Variants in PRKCE observed in about 807,000 individuals in gnomAD.
The protein encoded by PRKCE is protein kinase C epsilon type.
In PRKCE, 16 loss-of-function variants were observed where a neutral mutation model predicts 85.4. The ratio of observed to expected loss-of-function variants is 0.19; its 90% confidence interval spans 0.13 to 0.28. PRKCE has a LOEUF of 0.28. Among genes scored for constraint, PRKCE ranks in the 10% least tolerant of loss-of-function variants. PRKCE has a pLI of 1.00. For synonymous variants in PRKCE, 388 were observed against 371.5 expected, an observed-to-expected ratio of 1.04 and a Z score of -0.51; for missense variants, 573 against 975.2, an observed-to-expected ratio of 0.59 and a Z score of 5.49.
chr2:46,016,834 A>C (rs1049380366), intron 10 of PRKCE, among the ~76,000 whole-genome samples: 1 of 150,768 alleles, frequency 6.6e-6, no homozygotes, highest in South Asian at 2.1e-4. Flanking sequence ...GCTTGAACCC[A>C]GGAGGCAGAG....
intron 1 of PRKCE, among the ~76,000 whole-genome samples, chr2:45,731,163 G>T (rs912148063): frequency 1.3e-5 from 2 of 152,170 alleles, no homozygotes; most frequent in Non-Finnish European, 2.9e-5. Flanking sequence ...GTTAGCATTG[G>T]CCTTTGTGTT....
At chr2:46,152,338 T>G (rs1448029106) in intron 13 of PRKCE, among the ~76,000 whole-genome samples, 1 of 151,870 alleles carries the variant, frequency 6.6e-6, no homozygotes, top group Non-Finnish European at 1.5e-5. Flanking sequence ...CCCGCCATCA[T>G]GCCTGGCTAA....
chr2:46,005,933 G>A (rs1274190232), intron 8 of PRKCE, among the ~76,000 whole-genome samples: 2 of 152,178 alleles, frequency 1.3e-5, no homozygotes, highest in Non-Finnish European at 2.9e-5. Context: ...TCCCCTTTGG[G>A]AGCTTCAGGG....
At chr2:46,099,352 G>A (rs1165313625) in intron 11 of PRKCE, among the ~76,000 whole-genome samples, 1 of 152,036 alleles carries the variant, frequency 6.6e-6, no homozygotes, top group Non-Finnish European at 1.5e-5. Context: ...CCTAACAGAG[G>A]TGCTCATTGA....
chr2:45,987,078 A>C (rs1378623751), intron 6 of PRKCE, among the ~76,000 whole-genome samples: 1 of 152,040 alleles, frequency 6.6e-6, no homozygotes, highest in African/African-American at 2.4e-5. Context: ...TAGTGAACCT[A>C]AATGAAGATA....
intron 11 of PRKCE, among the ~76,000 whole-genome samples, chr2:46,132,429 C>T (rs1360591669): frequency 6.6e-6 from 1 of 152,134 alleles, no homozygotes; most frequent in African/African-American, 2.4e-5. Flanking sequence ...CCTCCTGCCT[C>T]CCTCCAAAGC....
In PRKCE at chr2:45,752,394, C is replaced by G. The variant is rs550910149; in HGVS notation, c.349-90606C>G. 4.6e-5 allele frequency among the ~76,000 whole-genome samples: 7 copies of G among 152,314 alleles called. No individual in the cohort carries two copies. The East Asian group carries it at 1.2e-3, about 25-fold the overall frequency. ...TCTGTACCCTCAACCCTGTGCTGAACTGCTTGCCTTCCTCCCTCCTACATC... is the reference window on the plus strand; with the variant it reads ...TCTGTACCCTCAACCCTGTGCTGAAGTGCTTGCCTTCCTCCCTCCTACATC... On this transcript the variant is annotated intron_variant, in intron 1 of 14. Transcript: ENST00000306156.
chr2:46,165,954 G>C (rs1392087173), intron 14 of PRKCE, among the ~76,000 whole-genome samples: 1 of 152,232 alleles, frequency 6.6e-6, no homozygotes, highest in South Asian at 2.1e-4. Context: ...GCTTCAGTGT[G>C]AATGTCCCTC....
chr2:45,655,353 AT>A (rs66793925), intron 1 of PRKCE, among the ~76,000 whole-genome samples: 34,951 of 144,850 alleles, frequency 0.24, 4,621 homozygotes, highest in East Asian at 0.37. Context: ...GTTTTTTTGC[AT>A]TTTTTTTTTT....
intron 11 of PRKCE, among the ~76,000 whole-genome samples, chr2:46,118,981 G>C (rs560932488): frequency 1.7e-4 from 26 of 152,314 alleles, no homozygotes; most frequent in African/African-American, 5.5e-4. Flanking sequence ...GTTAGAAGTA[G>C]AGGGGGAAGT....
At chr2:45,700,060 G>A (rs933951089) in intron 1 of PRKCE, among the ~76,000 whole-genome samples, 5 of 152,014 alleles carry the variant, frequency 3.3e-5, no homozygotes, top group African/African-American at 2.4e-5. Flanking sequence ...CAGAAGGCAC[G>A]AGCCACAAGA....
At chr2:45,768,303 C>T (rs1685066061) in intron 1 of PRKCE, among the ~76,000 whole-genome samples, 1 of 152,218 alleles carries the variant, frequency 6.6e-6, no homozygotes, top group South Asian at 2.1e-4. Context: ...CTTATCCTGG[C>T]CTGGCTCTAA....
intron 2 of PRKCE, among the ~76,000 whole-genome samples, chr2:45,947,590 CT>C (rs1327778279): frequency 6.6e-5 from 10 of 152,118 alleles, no homozygotes; most frequent in Non-Finnish European, 8.8e-5. Context: ...GCTATTTGAA[CT>C]TTTGCATATC....
Position 45,979,250 on chromosome 2 carries a change from C to T in PRKCE, c.607+240C>T, listed in dbSNP as rs1406004319. 8.5e-5 allele frequency among the ~76,000 whole-genome samples: 13 copies of T among 152,292 alleles called. 1 individual carries two copies. In the South Asian group the frequency reaches 2.5e-3, roughly 29 times the overall value. ...CTCAGCAGGTCCCCAATCCACCCGGCCTTTGTGTCTCAACTGGAGCAGGTG... is the reference window on the plus strand; with the variant it reads ...CTCAGCAGGTCCCCAATCCACCCGGTCTTTGTGTCTCAACTGGAGCAGGTG... On this transcript the variant is annotated intron_variant, in intron 4 of 14. Coordinates refer to ENST00000306156, the MANE Select transcript of PRKCE (RefSeq NM_005400.3).
At chr2:45,698,873 G>A (rs1053204606) in intron 1 of PRKCE, among the ~76,000 whole-genome samples, 2 of 151,664 alleles carry the variant, frequency 1.3e-5, no homozygotes, top group Admixed American at 6.6e-5. Flanking sequence ...AAGTACATGT[G>A]GTTACCCTCC....
chr2:45,928,289 A>G (rs949850836), intron 2 of PRKCE, among the ~76,000 whole-genome samples: 1 of 152,192 alleles, frequency 6.6e-6, no homozygotes, highest in Non-Finnish European at 1.5e-5. Context: ...TCTTTTTGAG[A>G]TAGAATCTCC....
At chr2:46,031,632 G>GTGTGTGTGTGTGTGTT (rs1374517995) in intron 10 of PRKCE, among the ~76,000 whole-genome samples, 1 of 129,914 alleles carries the variant, frequency 7.7e-6, no homozygotes, top group Non-Finnish European at 1.7e-5. Context: ...GTGTGTGTGT[G>GTGTGTGTGTGTGTGTT]TGTAGAAAAA....
At position 46,004,394 on chromosome 2, in the gene PRKCE, C is replaced by T. The variant is rs1704986835; in HGVS notation, c.967-148C>T. The T allele has an allele frequency of 8.9e-6, 6 of 674,758 alleles. No individual in the cohort carries two copies. The highest frequency in any genetic ancestry group is 2.5e-5 in the Admixed American group (1 of 39,392). The allele number at this position is 674,758 out of a possible 1,614,324, so 41.8% of individuals were successfully genotyped here. On this transcript the variant is annotated intron_variant, in intron 7 of 14. Coordinates refer to ENST00000306156, the MANE Select transcript of PRKCE (RefSeq NM_005400.3). This position sits in a 1 kb window ranked among gnomAD's most constrained non-coding sequence, Gnocchi z 4.1. ...TCGAACTTCATTTTGGCTACTTTGG[C>T]GATGGCTGCAAGAGGACAGAGATCT...
At chr2:45,689,576 A>T (rs1677566047) in intron 1 of PRKCE, among the ~76,000 whole-genome samples, 1 of 151,394 alleles carries the variant, frequency 6.6e-6, no homozygotes. Flanking sequence ...ATAAATATAC[A>T]TAGCAAAGCA....
Sources: allele counts gnomAD v4.1 joint callset (sites outside exome capture counted in the v4.1 genomes callset), GRCh38; gene constraint gnomAD v4.1.1; non-coding constraint Gnocchi (gnomAD v3.1); transcripts MANE v1.5; gene names NCBI Gene and HGNC (gene_info 2026-07-23, HGNC 2026-07-21).